Variants in CCNB3 observed in about 807,000 individuals in gnomAD.
The protein encoded by CCNB3 is cyclin B3.
A neutral mutation model predicts 68.0 loss-of-function variants in CCNB3; 12 were observed. The observed-to-expected ratio is 0.18, with a 90% CI of 0.11 to 0.29. CCNB3 has a LOEUF of 0.29. Ranked by LOEUF, CCNB3 falls within the 10% of genes least tolerant of loss-of-function variation. The pLI, the probability that CCNB3 is intolerant of heterozygous loss-of-function variation, is 1.00. For missense variants in CCNB3, 904 were observed against 993.1 expected (o/e 0.91, Z 1.21); for synonymous variants, 354 against 388.9 (o/e 0.91, Z 1.06).
chrX:50,292,691 C>A (rs1328415348), intron 4 of CCNB3, among the ~76,000 whole-genome samples: 4 of 111,325 alleles, frequency 3.6e-5, no homozygotes, highest in African/African-American at 1.3e-4. Context: ...CTCCTGAGTC[C>A]ATATTTTCCA....
At chrX:50,327,664 C>T (rs781858586) in intron 8 of CCNB3, among the ~76,000 whole-genome samples, 1 of 112,039 alleles carries the variant, frequency 8.9e-6, no homozygotes, top group South Asian at 3.8e-4. Context: ...TTCATAATCA[C>T]CTTACTGTAA....
At chrX:50,303,669 T>A (rs1557213077) in intron 5 of CCNB3, among the ~76,000 whole-genome samples, 1 of 111,166 alleles carries the variant, frequency 9.0e-6, no homozygotes, top group Non-Finnish European at 1.9e-5. Context: ...TGACATATAA[T>A]AATCGTAAAT....
chrX:50,203,205 A>G (rs1323103306), upstream of CCNB3, among the ~76,000 whole-genome samples: 4 of 112,019 alleles, frequency 3.6e-5, no homozygotes, highest in Non-Finnish European at 7.5e-5. Context: ...GTGCAAATCA[A>G]TACTTTAAAT....
chrX:50,279,558 T>G (rs1458102948), intron 1 of CCNB3, among the ~76,000 whole-genome samples: 1 of 86,358 alleles, frequency 1.2e-5, no homozygotes, highest in Non-Finnish European at 2.1e-5. Flanking sequence ...TATAAATATA[T>G]GAATATATAT....
chrX:50,228,615 A>G (rs1317878355), intron 1 of CCNB3, among the ~76,000 whole-genome samples: 3 of 86,369 alleles, frequency 3.5e-5, no homozygotes, highest in East Asian at 6.7e-4. Context: ...TAGAATATAT[A>G]GAATATATAT....
At chrX:50,228,268 A>C (rs1033444241) in intron 1 of CCNB3, among the ~76,000 whole-genome samples, 2 of 93,904 alleles carry the variant, frequency 2.1e-5, no homozygotes, top group Admixed American at 1.4e-4. Flanking sequence ...GAATATATAT[A>C]AATACATATG....
chrX:50,320,057 C>T (rs73495646), intron 8 of CCNB3, among the ~76,000 whole-genome samples: 2,614 of 110,494 alleles, frequency 0.024, 65 homozygotes, highest in African/African-American at 0.082. Flanking sequence ...TGATGGATGT[C>T]GGGATGTTGG....
upstream of CCNB3, among the ~76,000 whole-genome samples, chrX:50,204,162 C>T (rs73493784): frequency 0.023 from 2,596 of 111,378 alleles, 65 homozygotes; most frequent in African/African-American, 0.082. Context: ...ATTTTTAGGG[C>T]AGAAAACATA....
intron 1 of CCNB3, among the ~76,000 whole-genome samples, chrX:50,228,277 T>C (rs1935960382): frequency 1.2e-5 from 1 of 85,677 alleles, no homozygotes; most frequent in East Asian, 3.3e-4. Flanking sequence ...TAAATACATA[T>C]GTAGAATATA....
chrX:50,279,969 T>C (rs1351515888), intron 1 of CCNB3, among the ~76,000 whole-genome samples: 1 of 83,521 alleles, frequency 1.2e-5, no homozygotes, highest in African/African-American at 4.7e-5. Context: ...TGAGTATATA[T>C]ATAATATATG....
At chrX:50,215,134 C>T (rs1391314233) in intron 1 of CCNB3, among the ~76,000 whole-genome samples, 3 of 109,843 alleles carry the variant, frequency 2.7e-5, no homozygotes, top group Admixed American at 9.8e-5. Context: ...GGACTACAGG[C>T]GCCTGCCACC....
At chrX:50,228,949 T>G (rs1471896989) in intron 1 of CCNB3, among the ~76,000 whole-genome samples, 2 of 34,576 alleles carry the variant, frequency 5.8e-5, no homozygotes, top group Non-Finnish European at 9.6e-5. Context: ...GTAGAATATA[T>G]ATATAAATAT....
At chrX:50,206,491 G>A (rs1935368409) in intron 1 of CCNB3, among the ~76,000 whole-genome samples, 1 of 105,582 alleles carries the variant, frequency 9.5e-6, no homozygotes. Flanking sequence ...AGGCTGAGGT[G>A]GGAGGATCAC....
chrX:50,279,445 A>T (rs1408956187), intron 1 of CCNB3, among the ~76,000 whole-genome samples: 159 of 70,378 alleles, frequency 2.3e-3, no homozygotes, highest in African/African-American at 8.6e-3. Context: ...TATATATATA[A>T]ATATATAAAT....
chrX:50,228,784 A>AAT (rs1267924421), intron 1 of CCNB3, among the ~76,000 whole-genome samples: 3 of 71,639 alleles, frequency 4.2e-5, no homozygotes, highest in Admixed American at 4.0e-4. Flanking sequence ...ACATATATAG[A>AAT]ATATATATAT....
At chrX:50,321,328 T>A (rs1206576093) in intron 8 of CCNB3, among the ~76,000 whole-genome samples, 1 of 112,299 alleles carries the variant, frequency 8.9e-6, no homozygotes, top group African/African-American at 3.2e-5. Flanking sequence ...AGTAGTCAAG[T>A]TTATCAGTTC....
At chrX:50,298,336 C>T (rs1255400382) in intron 5 of CCNB3, among the ~76,000 whole-genome samples, 7 of 111,597 alleles carry the variant, frequency 6.3e-5, no homozygotes, top group African/African-American at 1.9e-4. Flanking sequence ...GAGTTTTTAG[C>T]ATGAAGGGTT....
Position 50,310,345 on chromosome X carries a change from A to C in CCNB3, c.2176A>C (p.Asn726His). Residue 726 changes from asparagine (N) to histidine (H), a missense_variant, in exon 6 of 13, where the codon AAT becomes CAT. Asn to His is a moderately conservative substitution (Grantham distance 68). This residue lies in a region of CCNB3 where 619 missense variants were observed against 609.8 expected (regional missense o/e 1.02). Coordinates refer to ENST00000376042, the MANE Select transcript of CCNB3 (RefSeq NM_033031.3). ...KSTMEEESLI[N>H]KLLALKEELS... ...CACCATGGAAGAAGAGTCCCTTATC[A>C]ATAAGCTATTGGCTCTGAAGGAGGA... 1 of 1,212,130 alleles carries C rather than the reference A, an allele frequency of 8.2e-7. No homozygotes were observed.
rs782788119 is a variant in CCNB3 at position 50,332,048 on chromosome X, A to G, written c.3517-10154A>G. The stretch of plus-strand genomic sequence containing the variant: ...CACAGTCCTAATTCATGACAAATGT[A>G]CTTATTTTCAGTCATATAGCCTTTT... On this transcript the variant is annotated intron_variant, in intron 8 of 12. Transcript: ENST00000376042. Among the ~76,000 whole-genome samples, 3 of 111,871 alleles carry G rather than the reference A, an allele frequency of 2.7e-5. No homozygotes were observed. The East Asian group carries it at 8.4e-4, about 31-fold the overall frequency.
Sources: allele counts gnomAD v4.1 joint callset (sites outside exome capture counted in the v4.1 genomes callset), GRCh38; gene constraint gnomAD v4.1.1; regional missense constraint gnomAD v4.1.1; transcripts MANE v1.5; gene names NCBI Gene and HGNC (gene_info 2026-07-23, HGNC 2026-07-21).